PARD3B: variants seen among roughly 807,000 people sequenced by gnomAD.
PARD3B encodes partitioning defective 3 homolog B.
A neutral mutation model predicts 130.2 loss-of-function variants in PARD3B; 103 were observed. The ratio of observed to expected loss-of-function variants is 0.79; its 90% CI spans 0.67 to 0.93. PARD3B has a LOEUF of 0.93. Ranked by LOEUF, PARD3B falls within the 40% of genes least tolerant of loss-of-function variation. PARD3B has a pLI of 0.00. For missense variants in PARD3B, 1,609 were observed against 1,499.2 expected (o/e 1.07, Z -1.21); for synonymous variants, 583 against 553.2 (o/e 1.05, Z -0.76).
At chr2:205,310,899 T>C (rs550988502) in intron 18 of PARD3B, among the ~76,000 whole-genome samples, 2 of 152,080 alleles carry the variant, frequency 1.3e-5, no homozygotes, top group East Asian at 3.9e-4. Context: ...AATTTTTGTA[T>C]TTTTAGTAGA....
intron 3 of PARD3B, among the ~76,000 whole-genome samples, chr2:204,985,817 T>A (rs1430176265): frequency 6.6e-6 from 1 of 152,016 alleles, no homozygotes; most frequent in African/African-American, 2.4e-5. Context: ...TGAAAAAGGC[T>A]TAGCTAGGCG....
At chr2:205,236,294 T>C (rs2039058298) in intron 15 of PARD3B, among the ~76,000 whole-genome samples, 1 of 152,160 alleles carries the variant, frequency 6.6e-6, no homozygotes, top group South Asian at 2.1e-4. Context: ...CTACAGACAT[T>C]CTTCCAGATA....
chr2:205,482,690 A>G (rs1028684933), intron 20 of PARD3B: 1 of 151,934 alleles, frequency 6.6e-6, no homozygotes, highest in Non-Finnish European at 1.5e-5. Flanking sequence ...CAGGATAAAA[A>G]CCAGCCTCTG....
At chr2:204,734,185 C>G (rs2039643488) in intron 2 of PARD3B, among the ~76,000 whole-genome samples, 1 of 152,010 alleles carries the variant, frequency 6.6e-6, no homozygotes, top group Admixed American at 6.6e-5. Context: ...TTCTAGTCAT[C>G]AGAGAAAAGC....
intron 18 of PARD3B, among the ~76,000 whole-genome samples, chr2:205,355,355 T>C (rs1204086594): frequency 1.3e-5 from 2 of 152,188 alleles, no homozygotes; most frequent in East Asian, 3.8e-4. Context: ...ATGCATTTGT[T>C]TTATAAAATG....
intron 2 of PARD3B, among the ~76,000 whole-genome samples, chr2:204,883,451 A>G (rs868599984): frequency 9.4e-6 from 1 of 106,484 alleles, no homozygotes; most frequent in Non-Finnish European, 1.7e-5. Flanking sequence ...ATATATATAT[A>G]TATATTTTTT....
intron 22 of PARD3B, among the ~76,000 whole-genome samples, chr2:205,606,742 C>G (rs1197020935): frequency 3.9e-5 from 6 of 152,176 alleles, no homozygotes. Context: ...GCTGTTAGCT[C>G]TGTATCTTTC....
At chr2:205,611,628 T>G (rs78130055) in intron 22 of PARD3B, among the ~76,000 whole-genome samples, 168 of 152,342 alleles carry the variant, frequency 1.1e-3, no homozygotes, top group African/African-American at 3.9e-3. Context: ...AAGCAAAATC[T>G]GAATCCTTCT....
chr2:205,018,743 A>AAAAAAAAAAAAAAAAAAC, intron 3 of PARD3B, among the ~76,000 whole-genome samples: 1 of 148,784 alleles, frequency 6.7e-6, no homozygotes, highest in Non-Finnish European at 1.5e-5. Flanking sequence ...AAAAAAAAAA[A>AAAAAAAAAAAAAAAAAAC]AAAAAAAGCA....
intron 2 of PARD3B, among the ~76,000 whole-genome samples, chr2:204,719,346 C>T (rs764284580): frequency 1.3e-5 from 2 of 152,128 alleles, no homozygotes; most frequent in Non-Finnish European, 2.9e-5. Context: ...GAATTAGGGC[C>T]AAATGCCTTC....
intron 20 of PARD3B, among the ~76,000 whole-genome samples, chr2:205,497,427 A>ATT (rs3077795): frequency 0.16 from 20,195 of 123,536 alleles, 1,828 homozygotes; most frequent in South Asian, 0.27. Context: ...TTTACTCACC[A>ATT]TTTTTTTTTT....
At chr2:204,820,761 A>G (rs553689485) in intron 2 of PARD3B, among the ~76,000 whole-genome samples, 1 of 152,074 alleles carries the variant, frequency 6.6e-6, no homozygotes, top group Non-Finnish European at 1.5e-5. Context: ...GGTTTCACTG[A>G]GCCAAGATGG....
At chr2:205,308,384 A>T (rs1921806) in intron 18 of PARD3B, among the ~76,000 whole-genome samples, 5,362 of 152,228 alleles carry the variant, frequency 0.035, 101 homozygotes, top group Middle Eastern at 0.058. Context: ...AGGCAGGCAG[A>T]TCACGAGGTC....
chr2:205,527,015 A>T (rs1005163132), intron 21 of PARD3B, among the ~76,000 whole-genome samples: 1 of 152,222 alleles, frequency 6.6e-6, no homozygotes, highest in Non-Finnish European at 1.5e-5. Context: ...GACAGTGAAG[A>T]AGTCAAATGA....
chr2:205,040,815 GT>G lies in PARD3B; in HGVS notation c.395-6756del, dbSNP rs146969118. Among the ~76,000 whole-genome samples the G allele has an allele frequency of 2.7e-5, 4 of 148,818 alleles. No homozygotes were observed. The East Asian group carries it at 5.9e-4, about 22-fold the overall frequency. On this transcript the variant is annotated intron_variant, in intron 3 of 22. Coordinates refer to ENST00000406610, the MANE Select transcript of PARD3B (RefSeq NM_001302769.2). ...GTCAACAGTCGTGGAAGGAGAGTGT[GT>G]TTTTTTTTTCTTCAAACTGTCCAAC...
At chr2:204,998,811 T>C (rs1338915312) in intron 3 of PARD3B, among the ~76,000 whole-genome samples, 3 of 152,072 alleles carry the variant, frequency 2.0e-5, no homozygotes, top group Non-Finnish European at 4.4e-5. Context: ...ACACCCTGGT[T>C]CAAGTGATTC....
intron 22 of PARD3B, among the ~76,000 whole-genome samples, chr2:205,566,066 C>A (rs748592347): frequency 1.3e-5 from 2 of 152,108 alleles, no homozygotes; most frequent in African/African-American, 2.4e-5. Context: ...CACGCAGAGG[C>A]CTTGTGTAGG....
At chr2:205,095,785 A>T (rs1702360922) in intron 4 of PARD3B, among the ~76,000 whole-genome samples, 1 of 152,142 alleles carries the variant, frequency 6.6e-6, no homozygotes, top group African/African-American at 2.4e-5. Context: ...AAAAAACTCC[A>T]GCAGGTAAAG....
At chr2:204,639,624 G>T in intron 1 of PARD3B, among the ~76,000 whole-genome samples, 1 of 152,144 alleles carries the variant, frequency 6.6e-6, no homozygotes, top group South Asian at 2.1e-4. Flanking sequence ...GTAATCTAGA[G>T]ATGATTTAAA....
Sources: gnomAD v4.1 joint callset for allele counts (sites outside exome capture counted in the v4.1 genomes callset) on GRCh38, gnomAD v4.1.1 for gene constraint, MANE v1.5 for transcripts, NCBI Gene and HGNC (gene_info 2026-07-23, HGNC 2026-07-21) for gene names.